Variants in EPHA6 observed in about 807,000 individuals in gnomAD.
EPHA6 encodes the protein EPH receptor A6, also known as ephrin type-A receptor 6.
In EPHA6, 50 loss-of-function variants were observed where a neutral mutation model predicts 112.0. That is an observed-to-expected ratio of 0.45 (90% CI 0.36 to 0.56). EPHA6 has a LOEUF of 0.56. EPHA6 is among the 20% of genes least tolerant of loss of function. EPHA6 has a pLI of 0.00. For synonymous variants in EPHA6, 529 were observed against 490.7 expected (o/e 1.08, Z -1.03); for missense variants, 1,280 against 1,417.4 (o/e 0.90, Z 1.56).
chr3:97,522,709 T>C (rs2107622769), intron 10 of EPHA6, among the ~76,000 whole-genome samples: 1 of 152,262 alleles, frequency 6.6e-6, no homozygotes, highest in East Asian at 1.9e-4. Context: ...TTAGTGTTGA[T>C]TCAGTTTTAT....
At chr3:96,959,078 A>G (rs2041867710) in intron 2 of EPHA6, among the ~76,000 whole-genome samples, 1 of 152,172 alleles carries the variant, frequency 6.6e-6, no homozygotes, top group South Asian at 2.1e-4. Context: ...ATTTGAAAAA[A>G]TTTCCTCTGT....
At chr3:97,149,248 G>A (rs980637329) in intron 3 of EPHA6, among the ~76,000 whole-genome samples, 1 of 152,068 alleles carries the variant, frequency 6.6e-6, no homozygotes, top group Non-Finnish European at 1.5e-5. Context: ...GATGCACATG[G>A]CCTGCCCAAG....
chr3:97,392,825 T>C (rs1390286101), intron 5 of EPHA6, among the ~76,000 whole-genome samples: 1 of 151,772 alleles, frequency 6.6e-6, no homozygotes. Flanking sequence ...TTCAATTAGC[T>C]CTTTTTTTTT....
chr3:97,088,959 A>G (rs1216906110), intron 3 of EPHA6, among the ~76,000 whole-genome samples: 1 of 152,182 alleles, frequency 6.6e-6, no homozygotes, highest in Non-Finnish European at 1.5e-5. Flanking sequence ...TAAGGGCAGC[A>G]TTCAGTATGT....
chr3:97,377,976 T>G (rs917839149), intron 5 of EPHA6, among the ~76,000 whole-genome samples: 55 of 152,182 alleles, frequency 3.6e-4, no homozygotes, highest in African/African-American at 1.2e-3. Flanking sequence ...CCAGCAAATA[T>G]TTGCATAAGT....
chr3:97,450,028 T>A (rs1291409751), intron 7 of EPHA6, among the ~76,000 whole-genome samples: 1 of 152,076 alleles, frequency 6.6e-6, no homozygotes, highest in Non-Finnish European at 1.5e-5. Context: ...TTAGGGAGAA[T>A]GAGTAAACTA....
intron 3 of EPHA6, among the ~76,000 whole-genome samples, chr3:97,177,556 C>G (rs2076870176): frequency 6.6e-6 from 1 of 151,628 alleles, no homozygotes; most frequent in South Asian, 2.1e-4. Flanking sequence ...TATGCATGCT[C>G]CAGTGTTTGG....
At position 97,748,774 on chromosome 3, in the gene EPHA6, T is replaced by C; in HGVS notation, c.*73T>C. 1 of 793,558 alleles carries C rather than the reference T, an allele frequency of 1.3e-6. No individual in the cohort carries two copies. Among genetic ancestry groups the C allele is most frequent in the Non-Finnish European group, 2.2e-6 (1 of 456,008 alleles). The allele number at this position is 793,558 out of a possible 1,614,324, so 49.2% of individuals were successfully genotyped here. ...ACGATATCCTCTCTACTACTCTCTC[T>C]TCTGATTCTCCAAACATCACTTCAC... is the stretch of plus-strand genomic sequence containing the variant. On this transcript the variant is annotated 3_prime_UTR_variant, in exon 18 of 18. Coordinates refer to ENST00000389672, the MANE Select transcript of EPHA6 (RefSeq NM_001080448.3).
At chr3:97,637,147 T>C (rs993685684) in intron 13 of EPHA6, among the ~76,000 whole-genome samples, 6 of 152,184 alleles carry the variant, frequency 3.9e-5, no homozygotes, top group Non-Finnish European at 8.8e-5. Context: ...TAAGATGGGA[T>C]TGATTAGTTA....
chr3:97,134,468 A>C (rs2075718688), intron 3 of EPHA6, among the ~76,000 whole-genome samples: 1 of 152,100 alleles, frequency 6.6e-6, no homozygotes, highest in Admixed American at 6.6e-5. Context: ...CCTTGAGTGC[A>C]ATCAGGGTTG....
rs925525548 is a variant in EPHA6 at position 97,288,938 on chromosome 3, T to C, written c.1606+44651T>C. 1.5e-4 allele frequency among the ~76,000 whole-genome samples: 22 copies of C among 151,114 alleles called. 2 individuals are homozygous for C. The highest frequency in any genetic ancestry group is 1.4e-3 in the Admixed American group (22 of 15,182). On this transcript the variant is annotated intron_variant, in intron 5 of 17. Transcript: ENST00000389672. ...TTTTAATGGGGATTTTTTTTTTTTTTTTTTTGCTTGTTGATTTGTGTAAGT... is the reference window on the plus strand; with the variant it reads ...TTTTAATGGGGATTTTTTTTTTTTTCTTTTTGCTTGTTGATTTGTGTAAGT...
chr3:97,275,300 A>C (rs1267245642), intron 5 of EPHA6, among the ~76,000 whole-genome samples: 2 of 152,176 alleles, frequency 1.3e-5, no homozygotes, highest in African/African-American at 4.8e-5. Context: ...ACAGATAAGG[A>C]TGAAATTTGG....
At chr3:97,127,183 A>G (rs1287579561) in intron 3 of EPHA6, among the ~76,000 whole-genome samples, 2 of 152,222 alleles carry the variant, frequency 1.3e-5, no homozygotes, top group South Asian at 2.1e-4. Context: ...CTAAGAGTGG[A>G]CAGCAGTCAG....
At chr3:96,847,123 C>T (rs1290705111) in intron 1 of EPHA6, among the ~76,000 whole-genome samples, 1 of 151,986 alleles carries the variant, frequency 6.6e-6, no homozygotes, top group Non-Finnish European at 1.5e-5. Flanking sequence ...CTTCTAAATC[C>T]AGTAGAGTGA....
intron 2 of EPHA6, among the ~76,000 whole-genome samples, chr3:96,932,945 T>G (rs2040400208): frequency 6.6e-6 from 1 of 152,152 alleles, no homozygotes; most frequent in Admixed American, 6.6e-5. Flanking sequence ...CTATAGGATT[T>G]TTAAAGGGAA....
At chr3:97,621,232 A>G (rs1009355143) in intron 13 of EPHA6, among the ~76,000 whole-genome samples, 3 of 151,908 alleles carry the variant, frequency 2.0e-5, no homozygotes, top group Non-Finnish European at 4.4e-5. Context: ...TGGACAACAC[A>G]TAGAAGGGAA....
chr3:97,529,173 A>T (rs1293540706), intron 10 of EPHA6, among the ~76,000 whole-genome samples: 1 of 152,162 alleles, frequency 6.6e-6, no homozygotes, highest in Non-Finnish European at 1.5e-5. Context: ...ACAGCAGAGA[A>T]TAATGGTTAC....
chr3:97,185,131 A>T (rs1334171971), intron 3 of EPHA6, among the ~76,000 whole-genome samples: 1 of 152,170 alleles, frequency 6.6e-6, no homozygotes, highest in Non-Finnish European at 1.5e-5. Flanking sequence ...AACCTAGGCA[A>T]TACCATTCAG....
At chr3:96,881,638 A>G (rs2037320837) in intron 2 of EPHA6, among the ~76,000 whole-genome samples, 1 of 152,110 alleles carries the variant, frequency 6.6e-6, no homozygotes, top group East Asian at 1.9e-4. Context: ...TTCAAAACCA[A>G]TCATGCCTTC....
Sources: allele counts gnomAD v4.1 joint callset (sites outside exome capture counted in the v4.1 genomes callset), GRCh38; gene constraint gnomAD v4.1.1; transcripts MANE v1.5; gene names NCBI Gene and HGNC (gene_info 2026-07-23, HGNC 2026-07-21).